The following CNOT6L variants were observed in gnomAD, a reference collection of about 807,000 sequenced individuals.
CNOT6L encodes CCR4-NOT transcription complex subunit 6-like.
Under a neutral mutation model 64.0 loss-of-function variants are expected in CNOT6L, and 7 were observed. The ratio of observed to expected loss-of-function variants is 0.11; its 90% CI spans 0.06 to 0.21. CNOT6L has a LOEUF of 0.21. Ranked by LOEUF, CNOT6L falls within the 10% of genes least tolerant of loss-of-function variation. The pLI, the probability that CNOT6L is intolerant of heterozygous loss-of-function variation, is 1.00. For synonymous variants in CNOT6L, 193 were observed against 243.4 expected (o/e 0.79, Z 1.93); for missense variants, 245 against 669.0 (o/e 0.37, Z 6.99).
chr4:77,739,072 T>G (rs1172882441), intron 8 of CNOT6L, among the ~76,000 whole-genome samples: 1 of 152,214 alleles, frequency 6.6e-6, no homozygotes, highest in Non-Finnish European at 1.5e-5. Flanking sequence ...TGTATTATAT[T>G]CTAATTATCT....
At chr4:77,727,066 A>G (rs1339374664) in intron 10 of CNOT6L, among the ~76,000 whole-genome samples, 1 of 152,214 alleles carries the variant, frequency 6.6e-6, no homozygotes, top group African/African-American at 2.4e-5. Flanking sequence ...GCACTGTTAG[A>G]GTCATCTTTC....
intron 4 of CNOT6L, 22 bp downstream of exon 4, chr4:77,773,059 A>T: frequency 6.5e-7 from 1 of 1,536,636 alleles, no homozygotes. Context: ...GAATACCTCA[A>T]AACTGTTTAA....
At chr4:77,743,548 G>T (rs1335516964) in intron 7 of CNOT6L, among the ~76,000 whole-genome samples, 2 of 146,432 alleles carry the variant, frequency 1.4e-5, no homozygotes, top group Non-Finnish European at 3.0e-5. Context: ...TTCCTCTCAG[G>T]CTATGATGAA....
chr4:77,769,296 C>T (rs1276438317), intron 4 of CNOT6L, among the ~76,000 whole-genome samples: 4 of 151,970 alleles, frequency 2.6e-5, no homozygotes, highest in East Asian at 3.9e-4. Context: ...TGAAAGAAAA[C>T]GCAGGAAACA....
intron 4 of CNOT6L, among the ~76,000 whole-genome samples, chr4:77,768,780 A>T (rs1727180709): frequency 7.6e-6 from 1 of 131,836 alleles, no homozygotes; most frequent in Non-Finnish European, 1.8e-5. Flanking sequence ...AACTGACAAA[A>T]CTTAAAAATC....
chr4:77,804,210 C>T (rs1731954874), intron 1 of CNOT6L, among the ~76,000 whole-genome samples: 1 of 151,970 alleles, frequency 6.6e-6, no homozygotes, highest in Non-Finnish European at 1.5e-5. Context: ...GGCAGATCAC[C>T]TGAAGTCAGG....
At position 77,776,405 on chromosome 4, in the gene CNOT6L, A is replaced by T. The variant is rs771829559; in HGVS notation, c.6-13T>A. 6.5e-7 allele frequency: 1 copy of T among 1,544,586 alleles called. No individual in the cohort carries two copies. Among genetic ancestry groups the T allele is most frequent in the South Asian group, 1.2e-5 (1 of 83,416 alleles). ...CATCCCTATTAGTCTGTTTAAAAAA[A>T]AAAAGGAGGAGATCAATAATTATTA... On this transcript the variant is annotated splice_polypyrimidine_tract_variant and intron_variant, in intron 1 of 11. Transcript: ENST00000504123.
chr4:77,757,952 G>A (rs1047039700), intron 4 of CNOT6L, among the ~76,000 whole-genome samples: 6 of 152,182 alleles, frequency 3.9e-5, no homozygotes, highest in Non-Finnish European at 8.8e-5. Flanking sequence ...CGCCCGCCTT[G>A]GCCTCCCAAA....
chr4:77,814,573 C>G (rs776689176), intron 1 of CNOT6L, among the ~76,000 whole-genome samples: 1 of 152,180 alleles, frequency 6.6e-6, no homozygotes, highest in Non-Finnish European at 1.5e-5. Context: ...ATCTTTCATA[C>G]TTCTCTTTAG....
At chr4:77,736,819 T>C (rs1200170662) in intron 8 of CNOT6L, among the ~76,000 whole-genome samples, 1 of 151,770 alleles carries the variant, frequency 6.6e-6, no homozygotes, top group African/African-American at 2.4e-5. Context: ...TTCACATTTT[T>C]GAAAAAAAAA....
rs143044387 is a variant in CNOT6L at position 77,757,300 on chromosome 4, C to T, written c.401-349G>A. On this transcript the variant is annotated intron_variant, in intron 4 of 11. Transcript: ENST00000504123. ...TTTATCTTTTAAGACCACAGACAAACTCAAATAGCCATATAGGAGAAAGAA... is the reference window on the plus strand; with the variant it reads ...TTTATCTTTTAAGACCACAGACAAATTCAAATAGCCATATAGGAGAAAGAA... Among the ~76,000 whole-genome samples, 664 of 152,090 alleles carry T rather than the reference C, an allele frequency of 4.4e-3. 6 individuals are homozygous for T. The highest frequency in any genetic ancestry group is 0.014 in the African/African-American group (595 of 41,490).
intron 1 of CNOT6L, among the ~76,000 whole-genome samples, chr4:77,796,246 T>A (rs1170333431): frequency 6.6e-6 from 1 of 152,146 alleles, no homozygotes; most frequent in African/African-American, 2.4e-5. Flanking sequence ...TGAAACAACT[T>A]TGAAAAAGAA....
Position 77,778,089 on chromosome 4 carries a change from T to A in CNOT6L, c.6-1697A>T, listed in dbSNP as rs1310869849. ...TCCATAAATGTCTTAGAACTTCATA[T>A]AGCACAAAGAATATGATCATTTTCC... On this transcript the variant is annotated intron_variant, in intron 1 of 11. Coordinates refer to ENST00000504123, the MANE Select transcript of CNOT6L (RefSeq NM_144571.3). Among the ~76,000 whole-genome samples, 4 of 152,206 alleles carry A rather than the reference T, an allele frequency of 2.6e-5. No individual in the cohort carries two copies. The South Asian group carries it at 8.3e-4, about 31-fold the overall frequency.
chr4:77,806,756 A>G (rs935859035), intron 1 of CNOT6L, among the ~76,000 whole-genome samples: 1 of 152,026 alleles, frequency 6.6e-6, no homozygotes, highest in Non-Finnish European at 1.5e-5. Context: ...TCATTCTCCA[A>G]TTTGCCTTAT....
intron 1 of CNOT6L, among the ~76,000 whole-genome samples, chr4:77,794,412 A>G (rs1314691202): frequency 1.3e-5 from 2 of 152,114 alleles, no homozygotes; most frequent in African/African-American, 4.8e-5. Flanking sequence ...AGCAATATAA[A>G]AAAAAGAGTG....
In CNOT6L at chr4:77,717,946, T is replaced by TGAAGCAGAGAGAA. The variant is rs1442726619; in HGVS notation, c.*2472_*2484dup. On this transcript the variant is annotated 3_prime_UTR_variant, in exon 12 of 12. Coordinates refer to ENST00000504123, the MANE Select transcript of CNOT6L (RefSeq NM_144571.3). The stretch of plus-strand genomic sequence containing the variant: ...AATGAATGGTTTGAAAGAGCGCATT[T>TGAAGCAGAGAGAA]GAAGCAGAGAGAACCCAATTACACA... The TGAAGCAGAGAGAA allele has an allele frequency of 2.0e-5, 3 of 152,562 alleles. No homozygotes were observed. Among genetic ancestry groups the TGAAGCAGAGAGAA allele is most frequent in the Non-Finnish European group, 4.4e-5 (3 of 68,020 alleles). The allele number at this position is 152,562 out of a possible 1,614,324, so 9.5% of individuals were successfully genotyped here.
intron 1 of CNOT6L, among the ~76,000 whole-genome samples, chr4:77,810,478 C>CATG: frequency 6.6e-6 from 1 of 152,120 alleles, no homozygotes; most frequent in East Asian, 1.9e-4. Context: ...ATTAACCATA[C>CATG]CCCCAATATG....
At chr4:77,781,739 G>A (rs1023759399) in intron 1 of CNOT6L, among the ~76,000 whole-genome samples, 3 of 152,234 alleles carry the variant, frequency 2.0e-5, no homozygotes, top group South Asian at 2.1e-4. Context: ...CCTCTATAGC[G>A]TATGTAAAGA....
chr4:77,797,332 A>G (rs989007316), intron 1 of CNOT6L, among the ~76,000 whole-genome samples: 1 of 152,132 alleles, frequency 6.6e-6, no homozygotes, highest in Admixed American at 6.5e-5. Flanking sequence ...AAAGATATTA[A>G]ATGGAAAATT....
Sources: allele counts gnomAD v4.1 joint callset (sites outside exome capture counted in the v4.1 genomes callset), GRCh38; gene constraint gnomAD v4.1.1; transcripts MANE v1.5; gene names NCBI Gene and HGNC (gene_info 2026-07-23, HGNC 2026-07-21).